CHN2: variants seen among roughly 807,000 people sequenced by gnomAD.
CHN2 encodes the protein beta-chimaerin.
Under a neutral mutation model 56.3 loss-of-function variants are expected in CHN2, and 35 were observed. The ratio of observed to expected loss-of-function variants is 0.62; its 90% CI spans 0.47 to 0.82. The LOEUF is 0.82. Among genes scored for constraint, CHN2 ranks in the 40% least tolerant of loss-of-function variants. CHN2 has a pLI of 0.00. For synonymous variants in CHN2, 210 were observed against 212.8 expected, an observed-to-expected ratio of 0.99 and a Z score of 0.12; for missense variants, 491 against 580.5, an observed-to-expected ratio of 0.85 and a Z score of 1.58.
chr7:29,428,984 C>T (rs1190943336), intron 6 of CHN2, among the ~76,000 whole-genome samples: 1 of 152,106 alleles, frequency 6.6e-6, no homozygotes, highest in East Asian at 1.9e-4. Flanking sequence ...TTCTATGGGC[C>T]AGTCCTGGAA....
intron 1 of CHN2, among the ~76,000 whole-genome samples, chr7:29,220,252 A>G (rs1785674862): frequency 6.7e-6 from 1 of 148,206 alleles, no homozygotes; most frequent in Admixed American, 6.8e-5. Flanking sequence ...CCTGGGCCAC[A>G]GAGGGAGACC....
chr7:29,486,988 C>T (rs1788092289), intron 7 of CHN2, among the ~76,000 whole-genome samples: 1 of 152,222 alleles, frequency 6.6e-6, no homozygotes, highest in African/African-American at 2.4e-5. Context: ...GCCCCTCTCT[C>T]TTCCTCTTCC....
intron 1 of CHN2, among the ~76,000 whole-genome samples, chr7:29,210,454 A>C (rs1784832865): frequency 6.6e-6 from 1 of 152,010 alleles, no homozygotes; most frequent in Non-Finnish European, 1.5e-5. Flanking sequence ...GCACACACCA[A>C]TACTTCATTC....
intron 1 of CHN2, among the ~76,000 whole-genome samples, chr7:29,347,653 A>G (rs1797561665): frequency 6.6e-6 from 1 of 152,180 alleles, no homozygotes; most frequent in Non-Finnish European, 1.5e-5. Flanking sequence ...CTCAACACGT[A>G]AGGATTACAG....
chr7:29,363,910 G>A (rs76364850), intron 2 of CHN2, among the ~76,000 whole-genome samples: 2,737 of 152,278 alleles, frequency 0.018, 35 homozygotes, highest in Middle Eastern at 0.034. Context: ...GATGGCACCC[G>A]CCTGTATTCG....
In CHN2 at chr7:29,461,860, ATGGATGGAT is replaced by A. The variant is rs1562626273; in HGVS notation, c.577-18418_577-18410del. 8.5e-3 allele frequency among the ~76,000 whole-genome samples: 1,299 copies of A among 152,154 alleles called. 20 individuals are homozygous for A. Among genetic ancestry groups the A allele is most frequent in the African/African-American group, 0.03 (1,232 of 41,498 alleles). ...GATGGATGGATGGATGGATGGATGGATGGATGGATGGAAGGAAGAGAGAGGATGCAAAGT... is the reference window on the plus strand; with the variant it reads ...GATGGATGGATGGATGGATGGATGGAGGAAGGAAGAGAGAGGATGCAAAGT... On this transcript the variant is annotated intron_variant, in intron 6 of 12. Transcript: ENST00000222792.
chr7:29,364,066 G>C (rs1798948594), intron 2 of CHN2, among the ~76,000 whole-genome samples: 1 of 152,192 alleles, frequency 6.6e-6, no homozygotes, highest in South Asian at 2.1e-4. Flanking sequence ...CTGTATGTTA[G>C]CTCTATGTCC....
At chr7:29,340,586 C>T (rs1281991079) in intron 1 of CHN2, among the ~76,000 whole-genome samples, 1 of 152,164 alleles carries the variant, frequency 6.6e-6, no homozygotes, top group Non-Finnish European at 1.5e-5. Flanking sequence ...AGAGCTAGAC[C>T]ACCAGGAAGG....
chr7:29,415,998 G>A (rs1485781325), intron 6 of CHN2, among the ~76,000 whole-genome samples: 1 of 152,214 alleles, frequency 6.6e-6, no homozygotes, highest in Non-Finnish European at 1.5e-5. Context: ...TTGGGGAGAA[G>A]AGTGGGAGGA....
chr7:29,285,324 C>T (rs1487227946), intron 1 of CHN2, among the ~76,000 whole-genome samples: 2 of 152,224 alleles, frequency 1.3e-5, no homozygotes, highest in East Asian at 3.8e-4. Context: ...TCATTAAAGA[C>T]AGTTCTCACG....
At chr7:29,510,642 TTC>T (rs1303518692) in intron 12 of CHN2, among the ~76,000 whole-genome samples, 1 of 152,206 alleles carries the variant, frequency 6.6e-6, no homozygotes, top group African/African-American at 2.4e-5. Context: ...GCCAACAGGC[TTC>T]TCTCAGAACA....
intron 6 of CHN2, among the ~76,000 whole-genome samples, chr7:29,416,626 A>G (rs1803773232): frequency 6.6e-6 from 1 of 152,152 alleles, no homozygotes; most frequent in South Asian, 2.1e-4. Context: ...GAGACAGCCG[A>G]TGTTGCTGGT....
chr7:29,240,885 CCTT>C (rs1787620088), intron 1 of CHN2, among the ~76,000 whole-genome samples: 1 of 151,192 alleles, frequency 6.6e-6, no homozygotes, highest in Non-Finnish European at 1.5e-5. Context: ...CTTCCTTCTT[CCTT>C]CTTCTTCCTT....
chr7:29,464,632 G>T (rs1339279085), intron 6 of CHN2, among the ~76,000 whole-genome samples: 2 of 152,178 alleles, frequency 1.3e-5, no homozygotes, highest in African/African-American at 2.4e-5. Flanking sequence ...AAAGCATCAG[G>T]GTTGGATTTG....
At chr7:29,180,560 T>C (rs551609364) in intron 2 of CHN2, among the ~76,000 whole-genome samples, 4 of 151,848 alleles carry the variant, frequency 2.6e-5, no homozygotes, top group African/African-American at 7.2e-5. Flanking sequence ...AAAAAAGTCA[T>C]CTAAATTGAT....
At chr7:29,189,561 C>A (rs1339415160) in intron 2 of CHN2, among the ~76,000 whole-genome samples, 1 of 152,156 alleles carries the variant, frequency 6.6e-6, no homozygotes, top group Non-Finnish European at 1.5e-5. Flanking sequence ...ATGTTTGTAA[C>A]CTGAAGTGTC....
chr7:29,200,296 T>G (rs1262567296), intron 1 of CHN2, among the ~76,000 whole-genome samples: 1 of 151,108 alleles, frequency 6.6e-6, no homozygotes, highest in Non-Finnish European at 1.5e-5. Context: ...TTTTTCCCCC[T>G]CCTTCCCTCT....
intron 2 of CHN2, among the ~76,000 whole-genome samples, chr7:29,180,496 G>GGCGACAGA (rs1307727745): frequency 2.2e-4 from 33 of 151,846 alleles, no homozygotes; most frequent in African/African-American, 7.2e-4. Flanking sequence ...CACTGCACTG[G>GGCGACAGA]GCGACAGAGC....
intron 1 of CHN2, among the ~76,000 whole-genome samples, chr7:29,308,462 G>T (rs867103902): frequency 6.6e-6 from 1 of 151,302 alleles, no homozygotes; most frequent in South Asian, 2.1e-4. Context: ...AGGTGGTTGG[G>T]GTGTGTGTGT....
Sources: allele counts gnomAD v4.1 joint callset (sites outside exome capture counted in the v4.1 genomes callset), GRCh38; gene constraint gnomAD v4.1.1; transcripts MANE v1.5; gene names NCBI Gene and HGNC (gene_info 2026-07-23, HGNC 2026-07-21).